Variants in NBPF14 observed in about 807,000 individuals in gnomAD.
NBPF14 encodes the protein NBPF family member NBPF14.
NBPF14 carries 104 observed loss-of-function variants against 91.2 expected under a neutral mutation model. The observed-to-expected ratio is 1.14, with a 90% CI of 0.97 to 1.34. The LOEUF (loss-of-function observed/expected upper bound fraction) is 1.34, where lower values mean the gene tolerates loss of function less well. Among genes scored for constraint, NBPF14 ranks in the 40% most tolerant of loss-of-function variants. NBPF14 has a pLI of 0.00. For synonymous variants in NBPF14, 294 were observed against 303.8 expected, an observed-to-expected ratio of 0.97 and a Z score of 0.34; for missense variants, 908 against 783.0, an observed-to-expected ratio of 1.16 and a Z score of -1.91.
intron 28 of NBPF14, 107 bp from the exon 29 acceptor site, chr1:148,566,422 G>T (rs1267538725): frequency 9.8e-6 from 6 of 610,092 alleles, no homozygotes; most frequent in East Asian, 3.0e-5. Flanking sequence ...AAACTAAAAG[G>T]ATAGATCCAT....
chr1:148,566,204 G>T, exon 29 of NBPF14: 1 of 574,018 alleles, frequency 1.7e-6, no homozygotes, highest in Non-Finnish European at 3.1e-6. Context: ...AACTTCCATA[G>T]GGCTGGCAGG....
intron 3 of NBPF14, among the ~76,000 whole-genome samples, chr1:148,593,174 A>G (rs1353665493): frequency 2.1e-5 from 3 of 145,946 alleles, no homozygotes; most frequent in African/African-American, 7.8e-5. Context: ...CGAATTGAAA[A>G]GATGAAAGAA....
chr1:148,533,962 T>A, exon 70 of NBPF14: 4 of 715,616 alleles, frequency 5.6e-6, no homozygotes, highest in Non-Finnish European at 7.6e-6. Flanking sequence ...TCCCCTTCTT[T>A]TCAATTTCTG....
chr1:148,585,605 C>T (rs1661385513), intron 9 of NBPF14, among the ~76,000 whole-genome samples: 1 of 149,350 alleles, frequency 6.7e-6, no homozygotes, highest in Admixed American at 6.7e-5. Flanking sequence ...CAAACTTGTC[C>T]CACAGTCCTC....
chr1:148,586,815 C>A (rs1352643325), intron 8 of NBPF14, among the ~76,000 whole-genome samples: 2 of 138,622 alleles, frequency 1.4e-5, no homozygotes, highest in Non-Finnish European at 3.2e-5. Context: ...GTGCATCTTG[C>A]GGCCACTAGA....
intron 35 of NBPF14, 114 bp from the exon 36 acceptor site, chr1:148,560,806 CA>C: frequency 3.1e-5 from 1 of 32,266 alleles, no homozygotes. Context: ...AAGAATAGGA[CA>C]CTGTGAGAGA....
At chr1:148,534,564 C>T (rs1186964569) in intron 69 of NBPF14, 120 bp downstream of exon 69, 4 of 759,738 alleles carry the variant, frequency 5.3e-6, no homozygotes, top group Non-Finnish European at 9.6e-6. Context: ...TATATGCGCC[C>T]ATAGGTCCTG....
chr1:148,557,002 C>T (rs1656673889), intron 40 of NBPF14, 140 bp from the exon 41 acceptor site: 1 of 229,980 alleles, frequency 4.3e-6, no homozygotes, highest in Non-Finnish European at 6.6e-6. Flanking sequence ...ACATTATTGC[C>T]TTCATGTTGG....
chr1:148,539,144 TA>T (rs1655464560), intron 63 of NBPF14, among the ~76,000 whole-genome samples: 6 of 23,292 alleles, frequency 2.6e-4, no homozygotes, highest in Non-Finnish European at 1.4e-4. Context: ...GTGAATTTTT[TA>T]CATCTGCCTG....
intron 2 of NBPF14, 124 bp from the exon 3 acceptor site, chr1:148,593,824 A>G: frequency 1.1e-6 from 1 of 930,092 alleles, no homozygotes; most frequent in Non-Finnish European, 1.7e-6. Flanking sequence ...CGGTCTAGAC[A>G]GGGATTTCCA....
At position 148,566,305 on chromosome 1, in the gene NBPF14, C is replaced by G; in HGVS notation, c.3553G>C (p.Glu1185Gln). 2.8e-6 allele frequency: 2 copies of G among 714,008 alleles called. 1 individual carries two copies. The highest frequency in any genetic ancestry group is 5.0e-6 in the Non-Finnish European group (2 of 399,750). The allele number at this position is 714,008 out of a possible 1,614,324, so 44.2% of individuals were successfully genotyped here. A position where few individuals can be genotyped will look rare whatever the true frequency, so the allele number is the denominator to read the frequency against. ...TCAGGCTCTACTACCTCCAGCAGCT[C>G]CCTGCTGAGCCTGGAAAAGGAGGAA... is the stretch of plus-strand genomic sequence containing the variant. Residue 1185 changes from glutamate (E) to glutamine (Q), a missense_variant, in exon 29 of 71, where the codon GAG (glutamate) becomes CAG (glutamine). Glu to Gln is a conservative substitution (Grantham distance 29). Coordinates refer to ENST00000619423, the Ensembl canonical transcript of NBPF14.
At chr1:148,559,382 T>A (rs1451918083) in intron 37 of NBPF14, among the ~76,000 whole-genome samples, 1 of 133,446 alleles carries the variant, frequency 7.5e-6, no homozygotes, top group Non-Finnish European at 1.5e-5. Flanking sequence ...AAATGGTTGC[T>A]AGGAGAAAAA....
intron 3 of NBPF14, among the ~76,000 whole-genome samples, chr1:148,593,292 AC>A (rs1662801476): frequency 6.7e-6 from 1 of 148,882 alleles, no homozygotes; most frequent in South Asian, 2.2e-4. Flanking sequence ...TGGCGATAGC[AC>A]ACCATTTTGA....
At chr1:148,533,436 GAGAA>G (rs1289069351) in intron 70 of NBPF14, among the ~76,000 whole-genome samples, 188 bp from the exon 71 acceptor site, 3 of 151,262 alleles carry the variant, frequency 2.0e-5, no homozygotes, top group African/African-American at 7.3e-5. Context: ...AACAATGAAA[GAGAA>G]AGACAGAGAG....
rs1481640932 is a variant in NBPF14 at position 148,559,899 on chromosome 1, A to G, written c.4623T>C (p.Tyr1541=). The G allele has an allele frequency of 1.6e-5, 20 of 1,275,974 alleles. 2 individuals carry two copies. Among genetic ancestry groups the G allele is most frequent in the South Asian group, 2.6e-5 (2 of 77,224 alleles). 79.0% of individuals were successfully genotyped at this position (1,275,974 alleles called of 1,614,324 possible). ...GTTCAAGACAACCTGAAGGAGTTGA[A>G]TAACATCTATCCAGTGAGTCCTGCA... Residue 1541 remains tyrosine, a synonymous_variant, in exon 37 of 71, where the codon TAT becomes TAC. Coordinates refer to ENST00000619423, the Ensembl canonical transcript of NBPF14.
chr1:148,535,312 C>T (rs1340372040), intron 68 of NBPF14, 141 bp downstream of exon 68: 2 of 612,788 alleles, frequency 3.3e-6, no homozygotes, highest in African/African-American at 2.0e-5. Context: ...ACATCTACTG[C>T]AATGAAAACC....
chr1:148,534,537 A>G (rs2149471749), intron 69 of NBPF14, 147 bp downstream of exon 69: 5 of 710,850 alleles, frequency 7.0e-6, no homozygotes, highest in Admixed American at 4.0e-5. Context: ...AGCTGAGACT[A>G]CAGTTTCATT....
chr1:148,575,822 A>T lies in NBPF14; in HGVS notation c.2079-11T>A, dbSNP rs1248464508. 3.2e-6 allele frequency: 1 copy of T among 314,900 alleles called. No homozygotes were observed. 19.5% of individuals were successfully genotyped at this position (314,900 alleles called of 1,614,324 possible). A position where few individuals can be genotyped will look rare whatever the true frequency, so the allele number is the denominator to read the frequency against. Reference sequence around the variant, plus strand: ...AGCTCCCTGCTGAGCCTGGAAAAGTAGGAAAAAGTAAAGAATAAGCCAGGG... The same window carrying T: ...AGCTCCCTGCTGAGCCTGGAAAAGTTGGAAAAAGTAAAGAATAAGCCAGGG... On this transcript the variant is annotated splice_polypyrimidine_tract_variant and intron_variant, in intron 16 of 70. Transcript: ENST00000619423.
intron 39 of NBPF14, 136 bp from the exon 40 acceptor site, chr1:148,557,678 G>T (rs1369364712): frequency 1.6e-6 from 1 of 617,432 alleles, no homozygotes; most frequent in Non-Finnish European, 2.8e-6. Context: ...TATACTTCAG[G>T]AGGCCTGAAA....
Sources: allele counts gnomAD v4.1 joint callset (sites outside exome capture counted in the v4.1 genomes callset), GRCh38; gene constraint gnomAD v4.1.1; transcripts MANE v1.5; gene names NCBI Gene and HGNC (gene_info 2026-07-23, HGNC 2026-07-21).